Variants in TTBK2 observed in about 807,000 individuals in gnomAD.
TTBK2 encodes the protein tau tubulin kinase 2, also known as tau-tubulin kinase 2.
In TTBK2, 28 loss-of-function variants were observed where a neutral mutation model predicts 110.8. That is an observed-to-expected ratio of 0.25 (90% confidence interval 0.19 to 0.35). TTBK2 has a LOEUF of 0.35. Among genes scored for constraint, TTBK2 ranks in the 10% least tolerant of loss-of-function variants. TTBK2 has a pLI of 1.00. For missense variants in TTBK2, 1,369 were observed against 1,500.3 expected, an observed-to-expected ratio of 0.91 and a Z score of 1.45; for synonymous variants, 532 against 527.3, an observed-to-expected ratio of 1.01 and a Z score of -0.12.
intron 10 of TTBK2, among the ~76,000 whole-genome samples, chr15:42,793,575 G>A (rs1024343239): frequency 2.6e-5 from 4 of 151,516 alleles, no homozygotes; most frequent in African/African-American, 4.9e-5. Flanking sequence ...TCAGGCCGGC[G>A]CAGTGGCTCA....
intron 3 of TTBK2, among the ~76,000 whole-genome samples, chr15:42,866,193 A>C (rs1366282467): frequency 6.6e-6 from 1 of 151,734 alleles, no homozygotes; most frequent in Non-Finnish European, 1.5e-5. Context: ...AACCCCAGCT[A>C]TTCGGGAGGC....
At chr15:42,858,077 A>C (rs1045907489) in intron 3 of TTBK2, among the ~76,000 whole-genome samples, 14 of 150,850 alleles carry the variant, frequency 9.3e-5, no homozygotes, top group South Asian at 2.1e-4. Flanking sequence ...TCAAAAAAAA[A>C]CCCAAAACAA....
chr15:42,815,824 C>T (rs897698938), intron 7 of TTBK2, among the ~76,000 whole-genome samples: 2 of 140,506 alleles, frequency 1.4e-5, no homozygotes, highest in Non-Finnish European at 3.0e-5. Context: ...TGAAATAGTA[C>T]ACAGATGTTC....
At chr15:42,857,877 G>C (rs867648941) in intron 3 of TTBK2, among the ~76,000 whole-genome samples, 3 of 151,978 alleles carry the variant, frequency 2.0e-5, no homozygotes, top group Admixed American at 6.6e-5. Context: ...GAGATCACGA[G>C]TTCAAGACCA....
At position 42,775,863 on chromosome 15, in the gene TTBK2, T is replaced by C. The variant is rs1889899520; in HGVS notation, c.1410-140A>G. On this transcript the variant is annotated intron_variant, in intron 12 of 14. Coordinates refer to ENST00000267890, the MANE Select transcript of TTBK2 (RefSeq NM_173500.4). Reference sequence around the variant, plus strand: ...AAAGCACAAGGAAAGTTTCACAGCATTGATAATGCTCTTCTCTACCTGCCA... The same window carrying C: ...AAAGCACAAGGAAAGTTTCACAGCACTGATAATGCTCTTCTCTACCTGCCA... 6.1e-6 allele frequency: 4 copies of C among 652,566 alleles called. 1 individual carries two copies. The highest frequency in any genetic ancestry group is 4.9e-5 in the South Asian group (2 of 40,914). 40.4% of individuals were successfully genotyped at this position (652,566 alleles called of 1,614,324 possible).
chr15:42,891,807 A>T (rs1198085084), intron 1 of TTBK2, among the ~76,000 whole-genome samples: 1 of 152,182 alleles, frequency 6.6e-6, no homozygotes, highest in Non-Finnish European at 1.5e-5. Flanking sequence ...CCAAACTTAT[A>T]CTCAACCAGG....
At chr15:42,915,442 T>G (rs1368604803) in intron 1 of TTBK2, among the ~76,000 whole-genome samples, 2 of 152,266 alleles carry the variant, frequency 1.3e-5, no homozygotes, top group Non-Finnish European at 2.9e-5. Flanking sequence ...TCTATTTTAT[T>G]AGCTATTGTT....
intron 1 of TTBK2, among the ~76,000 whole-genome samples, chr15:42,890,830 T>C (rs536286367): frequency 6.6e-6 from 1 of 152,308 alleles, no homozygotes; most frequent in Non-Finnish European, 1.5e-5. Context: ...TTCAATCACA[T>C]GGCCAATGAT....
intron 5 of TTBK2, among the ~76,000 whole-genome samples, chr15:42,828,967 G>C (rs954630086): frequency 6.6e-6 from 1 of 151,858 alleles, no homozygotes; most frequent in Non-Finnish European, 1.5e-5. Flanking sequence ...TTTTTGTTTT[G>C]TTTTAATATT....
At chr15:42,871,755 A>T (rs1894623109) in intron 3 of TTBK2, 1 of 199,032 alleles carries the variant, frequency 5.0e-6, no homozygotes, top group African/African-American at 2.4e-5. Context: ...TAATCTATCC[A>T]CTGTTTTCCT....
intron 1 of TTBK2, among the ~76,000 whole-genome samples, chr15:42,887,330 T>C (rs578154017): frequency 6.4e-4 from 98 of 152,220 alleles, no homozygotes; most frequent in African/African-American, 2.3e-3. Context: ...AAAGACTCCT[T>C]CACATCCTCT....
chr15:42,831,440 T>C (rs1892755283), intron 4 of TTBK2, among the ~76,000 whole-genome samples: 1 of 152,134 alleles, frequency 6.6e-6, no homozygotes, highest in Non-Finnish European at 1.5e-5. Flanking sequence ...TGACCAAACA[T>C]TATATGACAA....
At position 42,800,698 on chromosome 15, in the gene TTBK2, A is replaced by G. The variant is rs911104429; in HGVS notation, c.823-5897T>C. Among the ~76,000 whole-genome samples, 2 of 152,298 alleles carry G rather than the reference A, an allele frequency of 1.3e-5. 1 individual carries two copies. The highest frequency in any genetic ancestry group is 1.3e-4 in the Admixed American group (2 of 15,304). ...CCCCACTTCAGTGATAAGTAGATGCAATAGAGGGAAAGAAATGCATACAGT... is the reference window on the plus strand; with the variant it reads ...CCCCACTTCAGTGATAAGTAGATGCGATAGAGGGAAAGAAATGCATACAGT... On this transcript the variant is annotated intron_variant, in intron 9 of 14. Coordinates refer to ENST00000267890, the MANE Select transcript of TTBK2 (RefSeq NM_173500.4).
intron 3 of TTBK2, among the ~76,000 whole-genome samples, chr15:42,842,642 T>C (rs1018470100): frequency 1.3e-5 from 2 of 151,778 alleles, no homozygotes; most frequent in African/African-American, 4.8e-5. Context: ...TCCCAGCTAC[T>C]TGGGAAGCTA....
Position 42,783,429 on chromosome 15 carries a change from C to T in TTBK2, c.1187G>A (p.Gly396Glu). The T allele has an allele frequency of 1.2e-6, 2 of 1,613,940 alleles. No homozygotes were observed. Among genetic ancestry groups the T allele is most frequent in the Non-Finnish European group, 1.7e-6 (2 of 1,179,868 alleles). The change falls in exon 11 of 15, where the codon GGA becomes GAA. Residue 396 changes from glycine (G) to glutamate (E), a missense_variant. This residue lies in a region of TTBK2 where 1,097 missense variants were observed against 1,114.7 expected (regional missense o/e 0.98). Coordinates refer to ENST00000267890, the MANE Select transcript of TTBK2 (RefSeq NM_173500.4). Reference sequence around the variant, plus strand: ...ATAAGGTACTCATACCTTACAAATTCCAAGCTTTATCTTGTTTTTGTTGGC... The same window carrying T: ...ATAAGGTACTCATACCTTACAAATTTCAAGCTTTATCTTGTTTTTGTTGGC... ...MDANKNKIKL[G>E]ICKAATEEEN...
At chr15:42,790,428 G>A (rs1437406302) in intron 10 of TTBK2, among the ~76,000 whole-genome samples, 12 of 151,416 alleles carry the variant, frequency 7.9e-5, no homozygotes, top group Admixed American at 7.9e-4. Flanking sequence ...GGGACTATAG[G>A]TGCACAACAC....
At chr15:42,875,697 G>A (rs558933039) in intron 2 of TTBK2, among the ~76,000 whole-genome samples, 1 of 151,958 alleles carries the variant, frequency 6.6e-6, no homozygotes, top group South Asian at 2.1e-4. Context: ...ACCTGAGGTC[G>A]GGAGTTCCAG....
chr15:42,765,386 T>C (rs921268215), intron 13 of TTBK2, among the ~76,000 whole-genome samples: 3 of 152,266 alleles, frequency 2.0e-5, no homozygotes, highest in Non-Finnish European at 4.4e-5. Flanking sequence ...ATTAGACGAA[T>C]GGCTAACTAG....
intron 3 of TTBK2, among the ~76,000 whole-genome samples, chr15:42,843,866 C>A (rs1487039029): frequency 6.6e-6 from 1 of 151,580 alleles, no homozygotes; most frequent in Non-Finnish European, 1.5e-5. Flanking sequence ...TTTTAGTGGA[C>A]CAACTGACAC....
Sources: gnomAD v4.1 joint callset for allele counts (sites outside exome capture counted in the v4.1 genomes callset) on GRCh38, gnomAD v4.1.1 for gene constraint, gnomAD v4.1.1 regional missense constraint, MANE v1.5 for transcripts, NCBI Gene and HGNC (gene_info 2026-07-23, HGNC 2026-07-21) for gene names.